Variants in BMX observed in about 807,000 individuals in gnomAD.
BMX encodes the protein BMX non-receptor tyrosine kinase.
BMX carries 31 observed loss-of-function variants against 59.2 expected under a neutral mutation model. The observed-to-expected ratio is 0.52, with a 90% CI of 0.39 to 0.71. BMX has a LOEUF of 0.71. BMX is among the 30% of genes least tolerant of loss of function. The pLI is 0.00. For missense variants in BMX, 474 were observed against 491.7 expected (o/e 0.96, Z 0.34); for synonymous variants, 185 against 181.0 (o/e 1.02, Z -0.18).
chrX:15,513,528 T>C (rs961687093), intron 4 of BMX, among the ~76,000 whole-genome samples: 2 of 112,015 alleles, frequency 1.8e-5, no homozygotes, highest in Admixed American at 1.9e-4. Flanking sequence ...CAAAGTTTCA[T>C]TGTGCTATAA....
intron 6 of BMX, among the ~76,000 whole-genome samples, chrX:15,519,963 A>G (rs1361301197): frequency 8.9e-6 from 1 of 112,160 alleles, no homozygotes; most frequent in Non-Finnish European, 1.9e-5. Context: ...CTCTACCTCC[A>G]ACACTGGAGA....
In BMX at chrX:15,508,473, C is replaced by T; in HGVS notation, c.120C>T (p.Tyr40=). Residue 40 remains tyrosine (Y), a synonymous_variant, in exon 2 of 19, where the codon TAC becomes TAT. Transcript: ENST00000348343. ...TTTTGACCAAAACAAACCTTTCCTA[C>T]TATGAATATGACAAAATGGTGAGAC... is the stretch of plus-strand genomic sequence containing the variant. The part of the protein sequence containing the change: ...LFVLTKTNLS[Y]YEYDKMKRGS... 2.5e-6 allele frequency: 3 copies of T among 1,182,666 alleles called. No homozygotes were observed. The highest frequency in any genetic ancestry group is 3.4e-6 in the Non-Finnish European group (3 of 883,300).
chrX:15,556,139 A>G lies in BMX; in HGVS notation c.2020A>G (p.Lys674Glu). 1 of 1,205,427 alleles carries G rather than the reference A, an allele frequency of 8.3e-7. No individual in the cohort carries two copies. Among genetic ancestry groups the G allele is most frequent in the Non-Finnish European group, 1.1e-6 (1 of 892,301 alleles). Residue 674 changes from lysine to glutamate, a missense_variant, in exon 19 of 19, where the codon AAG becomes GAG. Transcript: ENST00000348343. ...CATTGAACCACTTCGGGAAAAAGAC[A>G]AGCATTGAAGAAGAAATTAGGAGTG... Reference protein sequence around the residue: ...SSIEPLREKDKH With the variant: ...SSIEPLREKDEH
Position 15,534,315 on chromosome X carries a change from C to T in BMX, c.1123C>T (p.His375Tyr), listed in dbSNP as rs1925229910. The change falls in exon 12 of 19, where the codon CAT becomes TAT. Residue 375 changes from histidine (H) to tyrosine (Y), a missense_variant. By Grantham distance (83) the His-to-Tyr change is moderately conservative (BLOSUM62 2). Coordinates refer to ENST00000348343, the MANE Select transcript of BMX (RefSeq NM_203281.3). ...TTTTGATTCCATTCCAAAGCTTATT[C>T]ATTATCATCAACACAATTCAGCAGG... ...YCFDSIPKLI[H>Y]YHQHNSAGMI... 3 of 1,187,420 alleles carry T rather than the reference C, an allele frequency of 2.5e-6. No homozygotes were observed. The highest frequency in any genetic ancestry group is 3.4e-6 in the Non-Finnish European group (3 of 885,359).
intron 18 of BMX, among the ~76,000 whole-genome samples, chrX:15,550,665 TACACACACACACACACAC>T (rs58905214): frequency 3.5e-4 from 30 of 86,767 alleles, no homozygotes; most frequent in South Asian, 1.4e-3. Context: ...TCAAAGTCTT[TACACACACACACACACAC>T]ACACACACAC....
Position 15,530,027 on chromosome X carries a change from G to A in BMX, c.939G>A (p.Lys313=). 8.3e-7 allele frequency: 1 copy of A among 1,204,633 alleles called. No homozygotes were observed. The highest frequency in any genetic ancestry group is 1.1e-6 in the Non-Finnish European group (1 of 889,928). The change falls in exon 10 of 19, where the codon AAG becomes AAA. Residue 313 remains lysine (K), a splice_region_variant and synonymous_variant. Transcript: ENST00000348343. ...RSQSEQLLRQ[K]GKEGAFMVRN... ...AATCTGAACAGTTACTCAGACAAAA[G>A]GTAAATAGTCTTGTCTTTAAAACAG...
At chrX:15,518,068 T>C (rs746539397) in intron 6 of BMX, 75 bp downstream of exon 6, 54 of 880,996 alleles carry the variant, frequency 6.1e-5, no homozygotes, top group Non-Finnish European at 8.6e-5. Flanking sequence ...GATTCAAGAC[T>C]AGAAAATGTG....
intron 6 of BMX, among the ~76,000 whole-genome samples, chrX:15,521,639 T>C (rs1177238964): frequency 9.0e-6 from 1 of 111,501 alleles, no homozygotes; most frequent in Non-Finnish European, 1.9e-5. Flanking sequence ...CTCCTTCCCC[T>C]GTCTGCAGAA....
intron 5 of BMX, among the ~76,000 whole-genome samples, chrX:15,516,555 A>G (rs1231259045): frequency 9.0e-6 from 1 of 111,715 alleles, no homozygotes; most frequent in Non-Finnish European, 1.9e-5. Flanking sequence ...AACTCCAAAA[A>G]GGTAGAATAT....
In BMX at chrX:15,542,025, T is replaced by C; in HGVS notation, c.1438T>C (p.Ser480Pro). 1 of 1,210,655 alleles carries C rather than the reference T, an allele frequency of 8.3e-7. No individual in the cohort carries two copies. The highest frequency in any genetic ancestry group is 1.1e-6 in the Non-Finnish European group (1 of 895,192). ...GCTGGTTAAATTCTATGGAGTGTGT[T>C]CAAAGGAATACCCCATATACATAGT... ...PKLVKFYGVC[S>P]KEYPIYIVTE... Residue 480 changes from serine (S) to proline (P), a missense_variant, in exon 15 of 19, where the codon TCA becomes CCA. Coordinates refer to ENST00000348343, the MANE Select transcript of BMX (RefSeq NM_203281.3).
At chrX:15,530,306 C>G (rs764927591) in intron 10 of BMX, among the ~76,000 whole-genome samples, 1 of 111,697 alleles carries the variant, frequency 9.0e-6, no homozygotes, top group South Asian at 3.8e-4. Context: ...GCCAGCAGTT[C>G]TTAGGCAAGT....
At chrX:15,515,785 T>TTGTA (rs1924129759) in intron 4 of BMX, among the ~76,000 whole-genome samples, 1 of 111,893 alleles carries the variant, frequency 8.9e-6, no homozygotes, top group Non-Finnish European at 1.9e-5. Context: ...ACACCATGTG[T>TTGTA]TGTAACCCAC....
At chrX:15,526,491 A>T (rs774808930) in intron 9 of BMX, among the ~76,000 whole-genome samples, 1 of 111,844 alleles carries the variant, frequency 8.9e-6, no homozygotes, top group East Asian at 2.8e-4. Flanking sequence ...AGAAGTTATT[A>T]ATGATGCAGT....
At chrX:15,546,385 T>C (rs915434664) in intron 16 of BMX, among the ~76,000 whole-genome samples, 6 of 111,632 alleles carry the variant, frequency 5.4e-5, no homozygotes, top group Admixed American at 9.5e-5. Context: ...TATGGGGAAA[T>C]GCTCATGATA....
intron 14 of BMX, among the ~76,000 whole-genome samples, chrX:15,538,187 C>A (rs970567759): frequency 5.5e-5 from 6 of 108,323 alleles, no homozygotes; most frequent in African/African-American, 2.0e-4. Flanking sequence ...CTCTCTCCCT[C>A]TTCCTCTCTC....
At chrX:15,523,506 AT>A (rs986155930) in intron 7 of BMX, among the ~76,000 whole-genome samples, 1 of 111,634 alleles carries the variant, frequency 9.0e-6, no homozygotes, top group Non-Finnish European at 1.9e-5. Context: ...GTTCTTCTTG[AT>A]TTTTTTTCAG....
chrX:15,507,620 T>C (rs1300088779), intron 1 of BMX, among the ~76,000 whole-genome samples: 1 of 112,148 alleles, frequency 8.9e-6, no homozygotes, highest in African/African-American at 3.2e-5. Flanking sequence ...AATTAATGCA[T>C]TTATTTTTCA....
At position 15,522,462 on chromosome X, in the gene BMX, A is replaced by G. The variant is rs775203692; in HGVS notation, c.627A>G (p.Ser209=). The part of the protein sequence containing the change: ...KKNYGSQPPS[S]STSLAQYDSN... ...ACTATGGCTCCCAGCCACCATCTTC[A>G]AGTACCAGTCTAGCGCAATATGACA... is the stretch of plus-strand genomic sequence containing the variant. The change falls in exon 7 of 19, where the codon TCA becomes TCG. Residue 209 remains serine (S), a synonymous_variant. Transcript: ENST00000348343. 1 of 1,212,254 alleles carries G rather than the reference A, an allele frequency of 8.2e-7. No homozygotes were observed.
At chrX:15,503,080 A>G (rs1923625264) in intron 1 of BMX, among the ~76,000 whole-genome samples, 1 of 112,072 alleles carries the variant, frequency 8.9e-6, no homozygotes, top group Non-Finnish European at 1.9e-5. Flanking sequence ...TCTGAATTTT[A>G]AAAGATAAAT....
Sources: allele counts gnomAD v4.1 joint callset (sites outside exome capture counted in the v4.1 genomes callset), GRCh38; gene constraint gnomAD v4.1.1; transcripts MANE v1.5; gene names NCBI Gene and HGNC (gene_info 2026-07-23, HGNC 2026-07-21).